Variants in TBC1D1 observed in about 807,000 individuals in gnomAD.
TBC1D1 encodes the protein TBC1 (tre-2/USP6, BUB2, cdc16) domain family, member 1.
Under a neutral mutation model 125.6 loss-of-function variants are expected in TBC1D1, and 89 were observed. That is an observed-to-expected ratio of 0.71 (90% CI 0.60 to 0.85). The LOEUF (loss-of-function observed/expected upper bound fraction) is 0.85. TBC1D1 is among the 40% of genes least tolerant of loss of function. The pLI is 0.00. For missense variants in TBC1D1, 1,377 were observed against 1,469.2 expected, an observed-to-expected ratio of 0.94 and a Z score of 1.03; for synonymous variants, 565 against 564.1, an observed-to-expected ratio of 1.00 and a Z score of -0.02.
chr4:38,058,623 G>C (rs2152493486), intron 12 of TBC1D1, among the ~76,000 whole-genome samples: 1 of 152,286 alleles, frequency 6.6e-6, no homozygotes, highest in Middle Eastern at 3.4e-3. Context: ...TTTATATTCT[G>C]GCAGTGCAAA....
chr4:37,995,872 G>T lies in TBC1D1; in HGVS notation c.418-18637G>T. The stretch of plus-strand genomic sequence containing the variant: ...ATCACCAGAATGCATTTCTCTTTGA[G>T]AATCCAGACTTCTGGCTTAACCATG... On this transcript the variant is annotated intron_variant, in intron 2 of 19. Coordinates refer to ENST00000261439, the MANE Select transcript of TBC1D1 (RefSeq NM_015173.4). The surrounding 1 kb of genome is among the most constrained non-coding windows in gnomAD (Gnocchi z 4.3). 1.7e-6 allele frequency: 1 copy of T among 579,136 alleles called. No individual in the cohort carries two copies. The allele number at this position is 579,136 out of a possible 1,614,324, so 35.9% of individuals were successfully genotyped here.
chr4:38,015,942 G>T (rs998044998), intron 3 of TBC1D1, among the ~76,000 whole-genome samples: 8 of 152,086 alleles, frequency 5.3e-5, no homozygotes, highest in Non-Finnish European at 1.0e-4. Context: ...AGTCAGATTT[G>T]TGCTTTAATT....
Position 37,900,760 on chromosome 4 carries a change from C to T in TBC1D1, c.-93-1243C>T, listed in dbSNP as rs180703184. Among the ~76,000 whole-genome samples the T allele has an allele frequency of 1.6e-3, 244 of 152,282 alleles. 1 individual carries two copies. Among genetic ancestry groups the T allele is most frequent in the African/African-American group, 5.7e-3 (235 of 41,564 alleles). On this transcript the variant is annotated intron_variant, in intron 1 of 19. Transcript: ENST00000261439. ...AATAGGACAAGAAGGCGTTAGGATA[C>T]ATCAAACGTGGTTGTTGAAAACAGA...
chr4:38,032,887 C>T (rs1453126969), intron 7 of TBC1D1, among the ~76,000 whole-genome samples: 3 of 151,282 alleles, frequency 2.0e-5, no homozygotes, highest in Non-Finnish European at 2.9e-5. Context: ...TTGCTACTAT[C>T]GAGGATGGTG....
At chr4:38,116,309 C>T (rs1762976855) in intron 16 of TBC1D1, among the ~76,000 whole-genome samples, 2 of 152,308 alleles carry the variant, frequency 1.3e-5, no homozygotes, top group South Asian at 2.1e-4. Flanking sequence ...TCAGACCTAC[C>T]TCCCAGCCTC....
intron 15 of TBC1D1, among the ~76,000 whole-genome samples, chr4:38,113,799 G>A (rs781556288): frequency 1.1e-4 from 17 of 152,152 alleles, no homozygotes; most frequent in Admixed American, 2.0e-4. Flanking sequence ...AAATTGAGGC[G>A]TGCTGTCAGT....
intron 6 of TBC1D1, among the ~76,000 whole-genome samples, chr4:38,023,790 A>T (rs1744534836): frequency 6.6e-6 from 1 of 152,168 alleles, no homozygotes; most frequent in South Asian, 2.1e-4. Flanking sequence ...ACGTGCAAAT[A>T]TCTGTTGAAG....
At chr4:38,035,293 C>T (rs1038063268) in intron 7 of TBC1D1, among the ~76,000 whole-genome samples, 2 of 152,124 alleles carry the variant, frequency 1.3e-5, no homozygotes, top group South Asian at 4.2e-4. Flanking sequence ...TTGTGTTTTT[C>T]CTCTTGTTTT....
intron 12 of TBC1D1, among the ~76,000 whole-genome samples, chr4:38,063,003 ATTCC>A (rs1430062856): frequency 6.6e-6 from 1 of 152,174 alleles, no homozygotes; most frequent in East Asian, 1.9e-4. Flanking sequence ...CTGACAGCAG[ATTCC>A]TCCTTAGGGC....
chr4:38,067,981 G>T (rs1754028126), intron 12 of TBC1D1, among the ~76,000 whole-genome samples: 1 of 152,192 alleles, frequency 6.6e-6, no homozygotes, highest in African/African-American at 2.4e-5. Flanking sequence ...GTACCAGTGA[G>T]GGATTGTTCT....
chr4:37,940,338 G>C (rs978810234), intron 2 of TBC1D1, among the ~76,000 whole-genome samples: 1 of 152,190 alleles, frequency 6.6e-6, no homozygotes, highest in Non-Finnish European at 1.5e-5. Flanking sequence ...TTTTATCGGT[G>C]TATAAGAATG....
At chr4:38,072,911 T>C (rs1754946739) in intron 12 of TBC1D1, among the ~76,000 whole-genome samples, 2 of 152,376 alleles carry the variant, frequency 1.3e-5, no homozygotes, top group Admixed American at 6.5e-5. Flanking sequence ...CATAATGTCC[T>C]CAAGGTTCAT....
In TBC1D1 at chr4:38,103,094, G is replaced by A; in HGVS notation, c.2494G>A (p.Val832Met). Residue 832 changes from valine (V) to methionine (M), a missense_variant, in exon 15 of 20, where the codon GTG becomes ATG. By Grantham distance (21) the Val-to-Met change is conservative. Transcript: ENST00000261439. ...TCCCAGCAAACAGCAGCCAAAGGATGTGCCATACAAAGAACTCTTAAAGCA... is the reference window on the plus strand; with the variant it reads ...TCCCAGCAAACAGCAGCCAAAGGATATGCCATACAAAGAACTCTTAAAGCA... 4 of 1,614,144 alleles carry A rather than the reference G, an allele frequency of 2.5e-6. No individual in the cohort carries two copies. The highest frequency in any genetic ancestry group is 3.4e-6 in the Non-Finnish European group (4 of 1,180,020).
intron 2 of TBC1D1, among the ~76,000 whole-genome samples, chr4:37,956,242 C>T (rs1327945226): frequency 6.6e-6 from 1 of 152,096 alleles, no homozygotes; most frequent in Non-Finnish European, 1.5e-5. Flanking sequence ...TGGTCTCGAA[C>T]TCCTGGACTT....
intron 12 of TBC1D1, among the ~76,000 whole-genome samples, chr4:38,067,595 A>C (rs1241729193): frequency 1.3e-5 from 2 of 152,204 alleles, no homozygotes; most frequent in Non-Finnish European, 2.9e-5. Context: ...GGAGGCCGTC[A>C]GTGGGGATAC....
intron 2 of TBC1D1, among the ~76,000 whole-genome samples, chr4:37,921,556 G>A (rs911109362): frequency 2.2e-4 from 33 of 151,328 alleles, no homozygotes; most frequent in East Asian, 3.9e-4. Flanking sequence ...GCAGACACGC[G>A]CCACCATGCC....
intron 2 of TBC1D1, among the ~76,000 whole-genome samples, chr4:37,938,161 G>C (rs193064741): frequency 1.2e-3 from 185 of 152,122 alleles, no homozygotes; most frequent in African/African-American, 4.1e-3. Flanking sequence ...TGGGAGGGTC[G>C]CTTGAGATCA....
chr4:37,894,277 G>A (rs556021087), intron 1 of TBC1D1, among the ~76,000 whole-genome samples: 1 of 152,242 alleles, frequency 6.6e-6, no homozygotes, highest in East Asian at 1.9e-4. Context: ...GTGAGCCACG[G>A]CGCCCGACCA....
intron 12 of TBC1D1, among the ~76,000 whole-genome samples, chr4:38,076,600 A>G (rs1755635301): frequency 6.6e-6 from 1 of 152,204 alleles, no homozygotes; most frequent in Admixed American, 6.5e-5. Flanking sequence ...GAAAACCTAG[A>G]ATATAGAATG....
Sources: gnomAD v4.1 joint callset for allele counts (sites outside exome capture counted in the v4.1 genomes callset) on GRCh38, gnomAD v4.1.1 for gene constraint, Gnocchi (gnomAD v3.1) non-coding constraint, MANE v1.5 for transcripts, NCBI Gene and HGNC (gene_info 2026-07-23, HGNC 2026-07-21) for gene names.